USH2A: variants seen among roughly 807,000 people sequenced by gnomAD.
USH2A encodes the protein usherin.
USH2A carries 443 observed loss-of-function variants against 538.9 expected under a neutral mutation model. The ratio of observed to expected loss-of-function variants is 0.82; its 90% CI spans 0.76 to 0.89. The LOEUF is 0.89. USH2A is among the 40% of genes least tolerant of loss of function. The pLI, the probability that USH2A is intolerant of heterozygous loss-of-function variation, is 0.00. For missense variants in USH2A, 6,633 were observed against 6,324.8 expected (o/e 1.05, Z -1.65); for synonymous variants, 2,413 against 2,273.5 (o/e 1.06, Z -1.75).
chr1:216,145,098 T>C (rs1360003728), intron 21 of USH2A, among the ~76,000 whole-genome samples: 8 of 152,138 alleles, frequency 5.3e-5, no homozygotes, highest in Non-Finnish European at 8.8e-5. Flanking sequence ...CTCCTTCCCT[T>C]CCCTCACCCT....
intron 9 of USH2A, among the ~76,000 whole-genome samples, chr1:216,309,951 A>G (rs2037389548): frequency 6.6e-6 from 1 of 152,040 alleles, no homozygotes; most frequent in Non-Finnish European, 1.5e-5. Context: ...TTTATTTTGA[A>G]TATTTTGTTG....
chr1:216,243,145 T>C (rs557329002), intron 13 of USH2A, among the ~76,000 whole-genome samples: 1 of 152,282 alleles, frequency 6.6e-6, no homozygotes, highest in African/African-American at 2.4e-5. Flanking sequence ...TAGCATGTCC[T>C]TGGAAGGAAG....
chr1:216,047,370 C>G (rs2030567305), intron 31 of USH2A, among the ~76,000 whole-genome samples: 1 of 152,104 alleles, frequency 6.6e-6, no homozygotes, highest in Non-Finnish European at 1.5e-5. Context: ...CATATTGAGG[C>G]TGGTCAAAGT....
At chr1:215,981,081 C>T (rs910332136) in intron 35 of USH2A, among the ~76,000 whole-genome samples, 35 of 152,020 alleles carry the variant, frequency 2.3e-4, no homozygotes, top group African/African-American at 8.4e-4. Context: ...GTTCTATATC[C>T]TCAAAAAGAC....
chr1:215,870,292 T>TA (rs1558136735), intron 43 of USH2A, among the ~76,000 whole-genome samples: 9 of 151,266 alleles, frequency 5.9e-5, no homozygotes, highest in African/African-American at 2.2e-4. Flanking sequence ...TTTTTATTTT[T>TA]TTTTTATTTA....
intron 46 of USH2A, 100 bp downstream of exon 46, chr1:215,844,194 A>C: frequency 7.9e-7 from 1 of 1,267,892 alleles, no homozygotes; most frequent in East Asian, 2.5e-5. Context: ...CCAAAGAAAT[A>C]ATCTGTAACC....
chr1:216,237,743 T>A (rs1437338675), intron 13 of USH2A, among the ~76,000 whole-genome samples: 2 of 152,186 alleles, frequency 1.3e-5, no homozygotes, highest in African/African-American at 2.4e-5. Context: ...GTAAACATTA[T>A]CTATTATCAT....
intron 36 of USH2A, among the ~76,000 whole-genome samples, chr1:215,968,053 T>C (rs1008845743): frequency 6.6e-6 from 1 of 152,166 alleles, no homozygotes; most frequent in Non-Finnish European, 1.5e-5. Context: ...TTGTATTTTA[T>C]TAAAGAATAT....
rs1177198729 is a variant in USH2A at position 216,196,630 on chromosome 1, C to A, written c.4174G>T (p.Gly1392Ter). 1 of 1,613,448 alleles carries A rather than the reference C, an allele frequency of 6.2e-7. No homozygotes were observed. Among genetic ancestry groups the A allele is most frequent in the Non-Finnish European group, 8.5e-7 (1 of 1,179,710 alleles). ...WEKPADNVTR[G>*]KVVGYDINML... is the part of the protein sequence containing the mutation. Reference sequence around the variant, plus strand: ...TTGATGTCATACCCCACAACTTTTCCTCTTGTAACATTATCTGCTGGCTTC... The same window carrying A: ...TTGATGTCATACCCCACAACTTTTCATCTTGTAACATTATCTGCTGGCTTC... The change falls in exon 19 of 72, where the codon GGA becomes TGA. Residue 1392 changes from glycine (G) to a stop codon, truncating the protein, a stop_gained. Coordinates refer to ENST00000307340, the MANE Select transcript of USH2A (RefSeq NM_206933.4). LOFTEE classifies it high-confidence loss of function.
intron 21 of USH2A, among the ~76,000 whole-genome samples, chr1:216,153,033 G>T (rs562194481): frequency 6.6e-6 from 1 of 152,066 alleles, no homozygotes; most frequent in Admixed American, 6.5e-5. Context: ...GAGATTGGCC[G>T]CCGGATGCCC....
chr1:216,168,517 A>G (rs1286704940), intron 21 of USH2A, among the ~76,000 whole-genome samples: 3 of 152,124 alleles, frequency 2.0e-5, no homozygotes, highest in Non-Finnish European at 4.4e-5. Context: ...AACCTTGGGA[A>G]AAAATTTAGT....
Position 216,199,951 on chromosome 1 carries a change from C to G in USH2A, c.3487G>C (p.Asp1163His). 6.2e-7 allele frequency: 1 copy of G among 1,614,112 alleles called. No individual in the cohort carries two copies. The highest frequency in any genetic ancestry group is 1.7e-5 in the Admixed American group (1 of 60,010). ...GTTGTCCAGGTAAGTGTCACAGAGT[C>G]TGAGCCAATAGGAATGATATAACTT... ...TLSYIIPIGS[D>H]SVTLTWTTLS... Residue 1163 changes from aspartate to histidine, a missense_variant, in exon 17 of 72, where the codon GAC becomes CAC. Asp to His is a moderately conservative substitution (Grantham distance 81). Coordinates refer to ENST00000307340, the MANE Select transcript of USH2A (RefSeq NM_206933.4).
intron 3 of USH2A, among the ~76,000 whole-genome samples, chr1:216,406,211 G>A (rs550957796): frequency 1.3e-5 from 2 of 152,196 alleles, no homozygotes; most frequent in African/African-American, 4.8e-5. Flanking sequence ...AATAATATTG[G>A]TTATATTAAT....
intron 9 of USH2A, among the ~76,000 whole-genome samples, chr1:216,303,354 C>T (rs1023348566): frequency 6.6e-6 from 1 of 151,902 alleles, no homozygotes; most frequent in Admixed American, 6.6e-5. Context: ...AGAAAAGCTT[C>T]ATTCATTATA....
intron 35 of USH2A, among the ~76,000 whole-genome samples, chr1:215,973,737 C>A (rs770429375): frequency 3.7e-4 from 55 of 149,620 alleles, no homozygotes; most frequent in South Asian, 6.3e-4. Context: ...ATAACCTTGA[C>A]ATCTGGAACT....
intron 35 of USH2A, among the ~76,000 whole-genome samples, chr1:215,982,030 C>A (rs1006204137): frequency 2.6e-5 from 4 of 152,188 alleles, no homozygotes; most frequent in Non-Finnish European, 4.4e-5. Flanking sequence ...CAAATTAGTT[C>A]TTGAGTGCGT....
chr1:215,707,445 T>G, intron 61 of USH2A, among the ~76,000 whole-genome samples: 1 of 152,204 alleles, frequency 6.6e-6, no homozygotes, highest in East Asian at 1.9e-4. Flanking sequence ...TGGGCTTTTG[T>G]GACAATTAAA....
chr1:216,211,117 C>T (rs530063977), intron 15 of USH2A, among the ~76,000 whole-genome samples: 1 of 152,068 alleles, frequency 6.6e-6, no homozygotes, highest in Admixed American at 6.6e-5. Flanking sequence ...CCCCTTTCCA[C>T]GTATCTTGTC....
In USH2A at chr1:215,798,773, T is replaced by C. The variant is rs1276659406; in HGVS notation, c.9958+134A>G. ...TTACATTGTTATGTGTTAAACAATA[T>C]GTTCCTAATTATTGCATTAGATATA... On this transcript the variant is annotated intron_variant, in intron 50 of 71. Transcript: ENST00000307340. The C allele has an allele frequency of 4.0e-6, 4 of 1,006,032 alleles. No homozygotes were observed. The African/African-American group carries it at 6.4e-5, about 16-fold the overall frequency. 62.3% of individuals were successfully genotyped at this position (1,006,032 alleles called of 1,614,324 possible). A position where few individuals can be genotyped will look rare whatever the true frequency, so the allele number is the denominator to read the frequency against.
Sources: gnomAD v4.1 joint callset for allele counts (sites outside exome capture counted in the v4.1 genomes callset) on GRCh38, gnomAD v4.1.1 for gene constraint, MANE v1.5 for transcripts, NCBI Gene and HGNC (gene_info 2026-07-23, HGNC 2026-07-21) for gene names.